SRGAP2C: variants seen among roughly 807,000 people sequenced by gnomAD.
SRGAP2C encodes SLIT-ROBO Rho GTPase-activating protein 2C.
SRGAP2C carries 15 observed loss-of-function variants against 25.1 expected under a neutral mutation model. That is an observed-to-expected ratio of 0.60 (90% CI 0.40 to 0.92). SRGAP2C has a LOEUF of 0.92. SRGAP2C is among the 40% of genes least tolerant of loss of function. SRGAP2C has a pLI of 0.00. For synonymous variants in SRGAP2C, 44 were observed against 96.6 expected (o/e 0.46, Z 3.19); for missense variants, 144 against 264.4 (o/e 0.54, Z 3.16).
At chr1:121,277,975 C>T (rs1448331030) in intron 2 of SRGAP2C, among the ~76,000 whole-genome samples, 1 of 144,338 alleles carries the variant, frequency 6.9e-6, no homozygotes, top group African/African-American at 2.6e-5. Context: ...GGGTGTTGCT[C>T]TGTCACCCAG....
At chr1:121,293,587 A>C (rs1200138217) in intron 3 of SRGAP2C, among the ~76,000 whole-genome samples, 1 of 152,124 alleles carries the variant, frequency 6.6e-6, no homozygotes, top group Non-Finnish European at 1.5e-5. Context: ...AATTCAAAGA[A>C]GCTGGGACAG....
intron 2 of SRGAP2C, among the ~76,000 whole-genome samples, chr1:121,191,620 G>C (rs1311275941): frequency 2.8e-4 from 42 of 151,096 alleles, no homozygotes; most frequent in Middle Eastern, 6.8e-3. Context: ...CAGCGAAGGT[G>C]GTAAGGTGCA....
intron 2 of SRGAP2C, among the ~76,000 whole-genome samples, chr1:121,277,447 A>C (rs1359891180): frequency 6.6e-6 from 1 of 150,832 alleles, no homozygotes; most frequent in South Asian, 2.1e-4. Context: ...AGGTCTTGCT[A>C]TGTTGACCAG....
In SRGAP2C at chr1:121,228,990, A is replaced by C. The variant is rs1335059209; in HGVS notation, c.67+41477A>C. Among the ~76,000 whole-genome samples the C allele has an allele frequency of 2.6e-5, 4 of 151,858 alleles. No homozygotes were observed. The East Asian group carries it at 7.8e-4, about 30-fold the overall frequency. On this transcript the variant is annotated intron_variant, in intron 2 of 9. Transcript: ENST00000367123. ...TGTCCTCTGTGATCTCAGACTCATA[A>C]CATCCCTGTTAAGATAGGAGGGGGC... is the stretch of plus-strand genomic sequence containing the variant.
At chr1:121,340,801 A>G (rs1427949576) in intron 4 of SRGAP2C, among the ~76,000 whole-genome samples, 2 of 148,928 alleles carry the variant, frequency 1.3e-5, no homozygotes, top group Non-Finnish European at 3.0e-5. Context: ...TTTCCATATT[A>G]TCTGATTCCA....
intron 3 of SRGAP2C, among the ~76,000 whole-genome samples, chr1:121,321,039 C>T (rs1229103768): frequency 1.3e-4 from 20 of 151,862 alleles, no homozygotes; most frequent in African/African-American, 4.8e-4. Flanking sequence ...TAAACCTATG[C>T]AAAGCTACAT....
At chr1:121,244,365 T>A (rs1656191752) in intron 2 of SRGAP2C, among the ~76,000 whole-genome samples, 1 of 116,234 alleles carries the variant, frequency 8.6e-6, no homozygotes. Context: ...TGGGTTTTTT[T>A]TTTTTTTTTG....
intron 2 of SRGAP2C, among the ~76,000 whole-genome samples, chr1:121,206,264 G>A (rs1655106011): frequency 3.9e-5 from 6 of 152,134 alleles, no homozygotes; most frequent in Admixed American, 3.9e-4. Flanking sequence ...AGGGTGGACA[G>A]TGGGCAGCCT....
chr1:121,257,055 AGGG>A (rs1553332560), intron 2 of SRGAP2C, among the ~76,000 whole-genome samples: 1 of 15,194 alleles, frequency 6.6e-5, no homozygotes, highest in Admixed American at 6.6e-4. Context: ...AGGAGACTGG[AGGG>A]GATATTCTTC....
At chr1:121,204,270 G>C (rs1473521811) in intron 2 of SRGAP2C, among the ~76,000 whole-genome samples, 1 of 151,694 alleles carries the variant, frequency 6.6e-6, no homozygotes. Flanking sequence ...TCTCCCTTTG[G>C]ACTGATCATT....
At chr1:121,295,627 T>A (rs1350521705) in intron 3 of SRGAP2C, among the ~76,000 whole-genome samples, 61 of 152,172 alleles carry the variant, frequency 4.0e-4, no homozygotes, top group African/African-American at 1.4e-3. Flanking sequence ...AGGTTTCAAG[T>A]GAGCTTGGAA....
At chr1:121,315,239 G>T (rs1658070923) in intron 3 of SRGAP2C, among the ~76,000 whole-genome samples, 1 of 151,970 alleles carries the variant, frequency 6.6e-6, no homozygotes, top group African/African-American at 2.4e-5. Flanking sequence ...AAGCTCCTGG[G>T]CTCACGCGAT....
intron 2 of SRGAP2C, among the ~76,000 whole-genome samples, chr1:121,206,159 C>A (rs587646525): frequency 3.3e-4 from 50 of 151,822 alleles, no homozygotes; most frequent in Non-Finnish European, 6.3e-4. Flanking sequence ...ACTTCCTACA[C>A]CCTAATACAA....
chr1:121,336,967 C>T (rs1658523805), intron 4 of SRGAP2C, among the ~76,000 whole-genome samples: 1 of 33,630 alleles, frequency 3.0e-5, no homozygotes, highest in South Asian at 8.0e-4. Flanking sequence ...GCCCGTATCC[C>T]ATATTTCCTG....
intron 3 of SRGAP2C, chr1:121,314,892 G>A (rs1553340424): frequency 4.7e-4 from 292 of 624,442 alleles, no homozygotes; most frequent in African/African-American, 4.4e-3. Context: ...GCTGTAGACC[G>A]GAGCTGTTCC....
chr1:121,360,535 C>G (rs1440940756), intron 4 of SRGAP2C: 1 of 18,244 alleles, frequency 5.5e-5, no homozygotes, highest in African/African-American at 2.3e-4. Context: ...CCCTGAACCC[C>G]CAGAGCCTCG....
intron 4 of SRGAP2C, among the ~76,000 whole-genome samples, chr1:121,328,215 T>A (rs2101614320): frequency 6.6e-6 from 1 of 152,110 alleles, no homozygotes; most frequent in South Asian, 2.1e-4. Context: ...TCCAAATACA[T>A]AAAATAGATA....
At chr1:121,273,928 A>T (rs1570755339) in intron 2 of SRGAP2C, among the ~76,000 whole-genome samples, 1 of 151,692 alleles carries the variant, frequency 6.6e-6, no homozygotes, top group Non-Finnish European at 1.5e-5. Context: ...CATCAACAAC[A>T]TATGAAGGCC....
rs1658489841 is a variant in SRGAP2C at position 121,335,374 on chromosome 1, A to C, written c.423+10734A>C. 3.5e-5 allele frequency among the ~76,000 whole-genome samples: 5 copies of C among 143,512 alleles called. 1 individual carries two copies. 94.1% of individuals were successfully genotyped at this position (143,512 alleles called of 152,430 possible). A position where few individuals can be genotyped will look rare whatever the true frequency, so the allele number is the denominator to read the frequency against. On this transcript the variant is annotated intron_variant, in intron 4 of 9. Coordinates refer to ENST00000367123, the MANE Select transcript of SRGAP2C (RefSeq NM_001329984.2). ...AATAAATAAATAAATAAATAAATAA[A>C]TAAATAAATAAATAAAACAACCAAT...
Sources: gnomAD v4.1 joint callset for allele counts (sites outside exome capture counted in the v4.1 genomes callset) on GRCh38, gnomAD v4.1.1 for gene constraint, MANE v1.5 for transcripts, NCBI Gene and HGNC (gene_info 2026-07-23, HGNC 2026-07-21) for gene names.